The following DOK6 variants were observed in gnomAD, a reference collection of about 807,000 sequenced individuals.
The protein encoded by DOK6 is downstream of tyrosine kinase 6.
A neutral mutation model predicts 44.0 loss-of-function variants in DOK6; 22 were observed. That is an observed-to-expected ratio of 0.50 (90% CI 0.36 to 0.71). The LOEUF (loss-of-function observed/expected upper bound fraction) is 0.71, where lower values mean the gene tolerates loss of function less well. DOK6 is among the 30% of genes least tolerant of loss of function. The probability of loss-of-function intolerance (pLI) is 0.00; values close to 1 mark genes in which losing one functional copy is unlikely to be tolerated. For missense variants in DOK6, 340 were observed against 416.4 expected (o/e 0.82, Z 1.60); for synonymous variants, 166 against 145.5 (o/e 1.14, Z -1.01).
intron 1 of DOK6, among the ~76,000 whole-genome samples, chr18:69,537,389 C>T (rs1982153664): frequency 6.6e-6 from 1 of 152,100 alleles, no homozygotes. Context: ...ATTATCACGG[C>T]CCTTTCTTCA....
At chr18:69,692,381 G>A (rs963835337) in intron 4 of DOK6, among the ~76,000 whole-genome samples, 3 of 152,178 alleles carry the variant, frequency 2.0e-5, no homozygotes, top group Non-Finnish European at 2.9e-5. Flanking sequence ...GTGAGAGCAG[G>A]GTTGGAAGAA....
At chr18:69,825,427 CTTTT>C (rs34656265) in intron 7 of DOK6, among the ~76,000 whole-genome samples, 9 of 82,956 alleles carry the variant, frequency 1.1e-4, no homozygotes, top group Non-Finnish European at 1.9e-4. Context: ...ATCATAACTT[CTTTT>C]TTTTTTTTTT....
At chr18:69,635,771 A>C (rs1399125827) in intron 3 of DOK6, among the ~76,000 whole-genome samples, 1 of 152,246 alleles carries the variant, frequency 6.6e-6, no homozygotes, top group East Asian at 1.9e-4. Flanking sequence ...CAGAGGACTC[A>C]GTGTTACACT....
intron 1 of DOK6, among the ~76,000 whole-genome samples, chr18:69,530,597 G>A (rs1981958352): frequency 6.6e-6 from 1 of 152,068 alleles, no homozygotes; most frequent in Non-Finnish European, 1.5e-5. Flanking sequence ...AAAAAAAAAT[G>A]ACTGGATTCA....
intron 3 of DOK6, among the ~76,000 whole-genome samples, chr18:69,645,669 G>T (rs1985052653): frequency 6.6e-6 from 1 of 151,918 alleles, no homozygotes; most frequent in African/African-American, 2.4e-5. Flanking sequence ...TGACATGCCT[G>T]AGCCTTTATC....
intron 7 of DOK6, among the ~76,000 whole-genome samples, chr18:69,805,039 C>T (rs1486212730): frequency 6.6e-6 from 1 of 152,098 alleles, no homozygotes; most frequent in African/African-American, 2.4e-5. Context: ...GCAGTAATTC[C>T]CAGCAAGCTA....
chr18:69,581,877 G>A (rs993060286), intron 2 of DOK6, among the ~76,000 whole-genome samples: 4 of 152,174 alleles, frequency 2.6e-5, no homozygotes, highest in Non-Finnish European at 5.9e-5. Flanking sequence ...CATGATGGCT[G>A]GACATGCAGC....
chr18:69,835,460 G>C (rs189606692), intron 7 of DOK6, among the ~76,000 whole-genome samples: 1 of 131,288 alleles, frequency 7.6e-6, no homozygotes, highest in Non-Finnish European at 1.6e-5. Context: ...ACGAGACTCC[G>C]TCTCAAAAAA....
At chr18:69,736,097 G>A (rs1321771441) in intron 5 of DOK6, among the ~76,000 whole-genome samples, 1 of 152,050 alleles carries the variant, frequency 6.6e-6, no homozygotes, top group African/African-American at 2.4e-5. Context: ...TGTGATTCTT[G>A]CTGGCCTTTC....
intron 7 of DOK6, among the ~76,000 whole-genome samples, chr18:69,799,510 C>T (rs1399936016): frequency 1.3e-5 from 2 of 151,864 alleles, no homozygotes; most frequent in East Asian, 1.9e-4. Context: ...TCATTAACTC[C>T]GTGTAAAAAG....
chr18:69,549,021 G>A lies in DOK6; in HGVS notation c.67-15466G>A, dbSNP rs143290788. On this transcript the variant is annotated intron_variant, in intron 1 of 7. Coordinates refer to ENST00000382713, the MANE Select transcript of DOK6 (RefSeq NM_152721.6). ...GAGGCAGGAGAATGGCGTGAACCCC[G>A]GGTGACGGAGCCTGCAGTGAGCCAA... is the stretch of plus-strand genomic sequence containing the variant. 5.4e-3 allele frequency among the ~76,000 whole-genome samples: 807 copies of A among 150,596 alleles called. 13 individuals are homozygous for A. The highest frequency in any genetic ancestry group is 0.018 in the African/African-American group (764 of 41,304).
At chr18:69,809,565 G>GATACACACACACAC (rs1237623896) in intron 7 of DOK6, among the ~76,000 whole-genome samples, 2 of 146,118 alleles carry the variant, frequency 1.4e-5, no homozygotes, top group Admixed American at 1.4e-4. Flanking sequence ...CACACACACA[G>GATACACACACACAC]ACACACACAC....
At chr18:69,663,585 A>G (rs1985583240) in intron 3 of DOK6, among the ~76,000 whole-genome samples, 1 of 152,228 alleles carries the variant, frequency 6.6e-6, no homozygotes. Flanking sequence ...TAATTGGGAA[A>G]ATGTTAACTA....
intron 1 of DOK6, among the ~76,000 whole-genome samples, chr18:69,458,214 T>C (rs952134651): frequency 4.6e-5 from 7 of 152,174 alleles, no homozygotes; most frequent in African/African-American, 1.7e-4. Flanking sequence ...CAAGTAGGCT[T>C]TATTCCTGGG....
intron 1 of DOK6, among the ~76,000 whole-genome samples, chr18:69,426,454 T>G (rs1035837223): frequency 2.6e-5 from 4 of 152,192 alleles, no homozygotes; most frequent in African/African-American, 9.6e-5. Context: ...AATTTACAAA[T>G]GTTGAAATGG....
At chr18:69,513,098 A>G (rs1277993049) in intron 1 of DOK6, among the ~76,000 whole-genome samples, 5 of 127,934 alleles carry the variant, frequency 3.9e-5, no homozygotes, top group African/African-American at 1.0e-4. Context: ...TTTTATATCT[A>G]TACTTAAAAT....
intron 7 of DOK6, among the ~76,000 whole-genome samples, chr18:69,824,053 TAAAAA>T (rs1568136905): frequency 6.6e-6 from 1 of 151,440 alleles, no homozygotes. Flanking sequence ...TCTTTTTTTT[TAAAAA>T]TTATACTTTA....
At chr18:69,752,784 T>C (rs963393830) in intron 6 of DOK6, among the ~76,000 whole-genome samples, 7 of 152,156 alleles carry the variant, frequency 4.6e-5, no homozygotes, top group Non-Finnish European at 8.8e-5. Flanking sequence ...GCGAGCATCA[T>C]GAGTTTCATG....
intron 1 of DOK6, among the ~76,000 whole-genome samples, chr18:69,556,655 G>A (rs1480961799): frequency 6.6e-6 from 1 of 152,114 alleles, no homozygotes; most frequent in Admixed American, 6.6e-5. Flanking sequence ...TCCAGAGAAT[G>A]TAAAACTCTC....
Sources: allele counts gnomAD v4.1 joint callset (sites outside exome capture counted in the v4.1 genomes callset), GRCh38; gene constraint gnomAD v4.1.1; transcripts MANE v1.5; gene names NCBI Gene and HGNC (gene_info 2026-07-23, HGNC 2026-07-21).